PLEKHG1: variants seen among roughly 807,000 people sequenced by gnomAD.
PLEKHG1 encodes pleckstrin homology and RhoGEF domain containing G1.
PLEKHG1 carries 44 observed loss-of-function variants against 100.8 expected under a neutral mutation model. The observed-to-expected ratio is 0.44, with a 90% confidence interval of 0.34 to 0.56. PLEKHG1 has a LOEUF of 0.56. PLEKHG1 is among the 20% of genes least tolerant of loss of function. PLEKHG1 has a pLI of 0.01. For missense variants in PLEKHG1, 1,545 were observed against 1,720.9 expected, an observed-to-expected ratio of 0.90 and a Z score of 1.81; for synonymous variants, 640 against 662.5, an observed-to-expected ratio of 0.97 and a Z score of 0.52.
intron 3 of PLEKHG1, among the ~76,000 whole-genome samples, chr6:150,715,994 G>T (rs1178201411): frequency 2.0e-5 from 3 of 148,952 alleles, no homozygotes; most frequent in African/African-American, 7.4e-5. Context: ...TGTAGTCCCA[G>T]CTACTCGGGA....
intron 2 of PLEKHG1, among the ~76,000 whole-genome samples, chr6:150,644,390 A>G (rs954575985): frequency 7.4e-6 from 1 of 134,554 alleles, no homozygotes; most frequent in Non-Finnish European, 1.5e-5. Flanking sequence ...GCTGGAGTGC[A>G]GTGGCGCAAT....
intron 1 of PLEKHG1, among the ~76,000 whole-genome samples, chr6:150,604,248 G>A (rs1776492448): frequency 6.6e-6 from 1 of 152,130 alleles, no homozygotes. Context: ...TATTTGAAGT[G>A]GTGAATAGAT....
chr6:150,671,162 T>G (rs901634664), intron 3 of PLEKHG1, among the ~76,000 whole-genome samples: 6 of 151,972 alleles, frequency 3.9e-5, no homozygotes, highest in African/African-American at 1.5e-4. Flanking sequence ...GGAATTTGGG[T>G]TGGTTCCGCA....
intron 3 of PLEKHG1, among the ~76,000 whole-genome samples, chr6:150,780,263 G>A (rs1486463930): frequency 6.6e-6 from 1 of 151,152 alleles, no homozygotes; most frequent in Non-Finnish European, 1.5e-5. Flanking sequence ...GACCTCCCGA[G>A]TAGCACCACA....
At chr6:150,622,185 T>C (rs1777327827) in intron 1 of PLEKHG1, among the ~76,000 whole-genome samples, 1 of 152,200 alleles carries the variant, frequency 6.6e-6, no homozygotes, top group African/African-American at 2.4e-5. Flanking sequence ...TATAATTTTG[T>C]TAAGTGAATG....
chr6:150,780,637 C>T (rs1303920487), intron 3 of PLEKHG1, among the ~76,000 whole-genome samples: 1 of 152,062 alleles, frequency 6.6e-6, no homozygotes, highest in Non-Finnish European at 1.5e-5. Context: ...AAACAAAAGA[C>T]ATCATTCTCT....
intron 3 of PLEKHG1, among the ~76,000 whole-genome samples, chr6:150,704,511 G>C (rs1394800767): frequency 6.6e-6 from 1 of 152,258 alleles, no homozygotes; most frequent in Non-Finnish European, 1.5e-5. Flanking sequence ...TGGACTAGGG[G>C]AAGGCTGAGG....
intron 3 of PLEKHG1, among the ~76,000 whole-genome samples, chr6:150,657,694 T>G (rs899107460): frequency 3.3e-5 from 5 of 152,232 alleles, no homozygotes; most frequent in Non-Finnish European, 7.3e-5. Flanking sequence ...AGATCATTGT[T>G]GTACTTTAAA....
intron 2 of PLEKHG1, among the ~76,000 whole-genome samples, chr6:150,751,341 A>G (rs1783500250): frequency 6.6e-6 from 1 of 152,002 alleles, no homozygotes; most frequent in East Asian, 1.9e-4. Context: ...GACAGAGCAC[A>G]CAGGTCTGGG....
chr6:150,672,341 G>T (rs1779612878), intron 3 of PLEKHG1, among the ~76,000 whole-genome samples: 1 of 152,186 alleles, frequency 6.6e-6, no homozygotes, highest in Admixed American at 6.5e-5. Context: ...GTGCTTGGAA[G>T]TCCAGTGCAA....
At chr6:150,784,183 C>T (rs1388836308) in intron 3 of PLEKHG1, among the ~76,000 whole-genome samples, 1 of 152,202 alleles carries the variant, frequency 6.6e-6, no homozygotes, top group Non-Finnish European at 1.5e-5. Flanking sequence ...CAGATCATTT[C>T]CCAAATTTGT....
chr6:150,742,052 T>A (rs141740288), intron 2 of PLEKHG1, among the ~76,000 whole-genome samples: 1 of 152,342 alleles, frequency 6.6e-6, no homozygotes, highest in African/African-American at 2.4e-5. Flanking sequence ...CACATAGTGT[T>A]TCATTAAGGA....
chr6:150,833,060 T>TTTTTG (rs1777040649), intron 15 of PLEKHG1, among the ~76,000 whole-genome samples: 1 of 132,290 alleles, frequency 7.6e-6, no homozygotes. Flanking sequence ...TTTTTTTTTT[T>TTTTTG]GAGATAGGGT....
chr6:150,630,258 G>A (rs747645253), intron 1 of PLEKHG1, among the ~76,000 whole-genome samples: 1 of 152,250 alleles, frequency 6.6e-6, no homozygotes. Flanking sequence ...TTGTATATGA[G>A]CAGAATTACT....
At chr6:150,716,062 C>T (rs1241263366) in intron 3 of PLEKHG1, among the ~76,000 whole-genome samples, 6 of 147,196 alleles carry the variant, frequency 4.1e-5, no homozygotes, top group African/African-American at 1.3e-4. Flanking sequence ...GAGCCGAGAT[C>T]GCGCCACTGC....
At chr6:150,675,312 C>T (rs1032659680) in intron 3 of PLEKHG1, among the ~76,000 whole-genome samples, 4 of 152,186 alleles carry the variant, frequency 2.6e-5, no homozygotes, top group African/African-American at 4.8e-5. Flanking sequence ...CCTGAAGACA[C>T]GCGGCTCATA....
chr6:150,733,816 G>A (rs1782416198), exon 2 of PLEKHG1: 1 of 1,614,220 alleles, frequency 6.2e-7, no homozygotes, highest in Non-Finnish European at 8.5e-7. Context: ...TGTTTAACCA[G>A]GATAAGGAGG....
chr6:150,737,785 G>A (rs1239702681), intron 2 of PLEKHG1, among the ~76,000 whole-genome samples: 1 of 151,930 alleles, frequency 6.6e-6, no homozygotes, highest in African/African-American at 2.4e-5. Flanking sequence ...CCTAAAAGAC[G>A]GACTTTTTTT....
chr6:150,819,394 A>G (rs1401059039), intron 11 of PLEKHG1, among the ~76,000 whole-genome samples: 2 of 151,658 alleles, frequency 1.3e-5, no homozygotes, highest in African/African-American at 4.8e-5. Context: ...TTGAAACCCC[A>G]TCTCTACTAA....
Sources: gnomAD v4.1 joint callset for allele counts (sites outside exome capture counted in the v4.1 genomes callset) on GRCh38, gnomAD v4.1.1 for gene constraint, MANE v1.5 for transcripts, NCBI Gene and HGNC (gene_info 2026-07-23, HGNC 2026-07-21) for gene names.